Variants in RASGEF1C observed in about 807,000 individuals in gnomAD.
RASGEF1C encodes the protein RasGEF domain family member 1C.
In RASGEF1C, 27 loss-of-function variants were observed where a neutral mutation model predicts 58.1. The observed-to-expected ratio is 0.46, with a 90% CI of 0.34 to 0.64. The LOEUF (loss-of-function observed/expected upper bound fraction) is 0.64, where lower values mean the gene tolerates loss of function less well. Ranked by LOEUF, RASGEF1C falls within the 30% of genes least tolerant of loss-of-function variation. The pLI, the probability that RASGEF1C is intolerant of heterozygous loss-of-function variation, is 0.01. For missense variants in RASGEF1C, 502 were observed against 605.1 expected, an observed-to-expected ratio of 0.83 and a Z score of 1.79; for synonymous variants, 243 against 246.3, an observed-to-expected ratio of 0.99 and a Z score of 0.13.
Position 180,152,483 on chromosome 5 carries a change from T to A in RASGEF1C, c.-6-14425A>T, listed in dbSNP as rs1443674597. ...CAAGGACAAAAAGCCAAACACTGCA[T>A]GTTCTCACTCATAGGTGGGAATTGA... On this transcript the variant is annotated intron_variant, in intron 1 of 13. Coordinates refer to ENST00000361132, the MANE Select transcript of RASGEF1C (RefSeq NM_175062.4). Among the ~76,000 whole-genome samples, 8 of 146,804 alleles carry A rather than the reference T, an allele frequency of 5.4e-5. No homozygotes were observed. The Admixed American group carries it at 5.7e-4, about 11-fold the overall frequency.
intron 1 of RASGEF1C, among the ~76,000 whole-genome samples, chr5:180,190,413 C>T (rs1756135148): frequency 6.8e-6 from 1 of 146,422 alleles, no homozygotes; most frequent in African/African-American, 2.5e-5. Flanking sequence ...TGGCGTGAAC[C>T]TGGGAGGCGG....
At chr5:180,135,041 C>T (rs539398773) in intron 4 of RASGEF1C, among the ~76,000 whole-genome samples, 1 of 54,462 alleles carries the variant, frequency 1.8e-5, no homozygotes, top group East Asian at 6.4e-4. Flanking sequence ...TTTCCGCTGT[C>T]CCCACCCCCC....
At chr5:180,118,968 C>T in intron 8 of RASGEF1C, 102 bp from the exon 9 acceptor site, 2 of 1,084,000 alleles carry the variant, frequency 1.8e-6, no homozygotes, top group Non-Finnish European at 1.4e-6. Context: ...CTGAGGTCTG[C>T]AGGGCTCAGC....
chr5:180,101,518 T>C lies in RASGEF1C; in HGVS notation c.1384A>G (p.Ile462Val), dbSNP rs773357122. ...CAGCGCTTTCATGTCTTCCCCAAAA[T>C]AGAAGATCTGCAGATTTAAGCATGT... The part of the protein sequence containing the change: ...KERWKALRSS[I>V]LGKT The change falls in exon 14 of 14, where the codon ATT becomes GTT. Residue 462 changes from isoleucine to valine, a missense_variant. Physicochemically the swap from Ile to Val is conservative, Grantham distance 29 (BLOSUM62 3). Transcript: ENST00000361132. 8 of 1,612,234 alleles carry C rather than the reference T, an allele frequency of 5.0e-6. No individual in the cohort carries two copies. The African/African-American group carries it at 9.3e-5, about 19-fold the overall frequency.
intron 12 of RASGEF1C, among the ~76,000 whole-genome samples, chr5:180,105,116 T>C (rs1765854808): frequency 6.6e-6 from 1 of 152,238 alleles, no homozygotes; most frequent in Admixed American, 6.5e-5. Flanking sequence ...AGAATTTATT[T>C]TTCTTTCTTC....
At chr5:180,174,417 C>CGTGCATGTGCACACGTGTGTGTCT in intron 1 of RASGEF1C, among the ~76,000 whole-genome samples, 1 of 148,190 alleles carries the variant, frequency 6.7e-6, no homozygotes, top group African/African-American at 2.5e-5. Flanking sequence ...TGTGTGCGTG[C>CGTGCATGTGCACACGTGTGTGTCT]GTGCATGTGC....
chr5:180,138,823 A>G (rs957281488), intron 1 of RASGEF1C, among the ~76,000 whole-genome samples: 3 of 152,012 alleles, frequency 2.0e-5, no homozygotes. Context: ...ACTCTGAACC[A>G]CTGCACATGC....
At chr5:180,176,587 T>A (rs548882417) in intron 1 of RASGEF1C, among the ~76,000 whole-genome samples, 1 of 150,714 alleles carries the variant, frequency 6.6e-6, no homozygotes, top group East Asian at 2.0e-4. Flanking sequence ...GATGGAGTCT[T>A]GCTCTGTCGC....
chr5:180,132,688 A>C (rs1766391290), intron 4 of RASGEF1C, among the ~76,000 whole-genome samples: 1 of 152,186 alleles, frequency 6.6e-6, no homozygotes, highest in Non-Finnish European at 1.5e-5. Flanking sequence ...AAGCAAGACC[A>C]GGCCGGGCGC....
chr5:180,137,662 G>C lies in RASGEF1C; in HGVS notation c.228C>G (p.Pro76=). 6.2e-7 allele frequency: 1 copy of C among 1,612,878 alleles called. No individual in the cohort carries two copies. The highest frequency in any genetic ancestry group is 8.5e-7 in the Non-Finnish European group (1 of 1,180,004). ...GGCAGACCCGGGCCAGGAGCTCCCG[G>C]GGCTCGATGAAGAGGCGAGAGCTCA... ...FLLSSRLFIE[P]RELLARVCHL... The change falls in exon 3 of 14, where the codon CCC becomes CCG. Residue 76 remains proline (P), a synonymous_variant. Coordinates refer to ENST00000361132, the MANE Select transcript of RASGEF1C (RefSeq NM_175062.4). The surrounding 1 kb of genome is among the most constrained non-coding windows in gnomAD (Gnocchi z 4.1).
intron 6 of RASGEF1C, among the ~76,000 whole-genome samples, chr5:180,123,004 CT>C (rs1766200428): frequency 6.6e-6 from 1 of 152,076 alleles, no homozygotes; most frequent in African/African-American, 2.4e-5. Context: ...AAGAGATACA[CT>C]CCAAACACAA....
rs200482767 is a variant in RASGEF1C, at chr5:180,121,035, G to A, written c.804+25C>T. On this transcript the variant is annotated intron_variant, in intron 7 of 13. Coordinates refer to ENST00000361132, the MANE Select transcript of RASGEF1C (RefSeq NM_175062.4). ...CGGCCGCCTGGGGCTATGCCAGGTGGTGCCCACCCTGGCTGTCTACTCACC... is the reference window on the plus strand; with the variant it reads ...CGGCCGCCTGGGGCTATGCCAGGTGATGCCCACCCTGGCTGTCTACTCACC... 2.2e-3 allele frequency: 3,438 copies of A among 1,583,582 alleles called. 8 individuals carry two copies. Among genetic ancestry groups the A allele is most frequent in the Non-Finnish European group, 2.7e-3 (3,128 of 1,152,416 alleles).
chr5:180,194,386 G>A (rs2127563329), intron 1 of RASGEF1C, among the ~76,000 whole-genome samples: 1 of 152,320 alleles, frequency 6.6e-6, no homozygotes, highest in South Asian at 2.1e-4. Flanking sequence ...CAAGAACGGT[G>A]ACATGCAGAC....
At chr5:180,141,443 A>G (rs1581105011) in intron 1 of RASGEF1C, among the ~76,000 whole-genome samples, 1 of 152,232 alleles carries the variant, frequency 6.6e-6, no homozygotes, top group East Asian at 1.9e-4. Flanking sequence ...CGTCATGCTA[A>G]GTGAAATGAG....
intron 1 of RASGEF1C, among the ~76,000 whole-genome samples, chr5:180,146,623 T>A (rs1434047634): frequency 6.6e-6 from 1 of 152,206 alleles, no homozygotes; most frequent in East Asian, 1.9e-4. Flanking sequence ...TTACATTGAT[T>A]GATTTTCGTA....
At chr5:180,186,902 G>A (rs1384026894) in intron 1 of RASGEF1C, among the ~76,000 whole-genome samples, 1 of 152,106 alleles carries the variant, frequency 6.6e-6, no homozygotes, top group African/African-American at 2.4e-5. Context: ...AGCCAAGATC[G>A]TGCCACTGCA....
At chr5:180,203,992 C>CA (rs1423193433) in intron 1 of RASGEF1C, among the ~76,000 whole-genome samples, 1 of 67,438 alleles carries the variant, frequency 1.5e-5, no homozygotes, top group Non-Finnish European at 2.9e-5. Flanking sequence ...GACTCTGTCT[C>CA]AAAAAACAAA....
At chr5:180,207,634 G>GTCCGTCTGTCGCTTA (rs1756512358) in intron 1 of RASGEF1C, among the ~76,000 whole-genome samples, 1 of 151,670 alleles carries the variant, frequency 6.6e-6, no homozygotes, top group Non-Finnish European at 1.5e-5. Context: ...TCTCTCGCCT[G>GTCCGTCTGTCGCTTA]CCCTCCCTCT....
chr5:180,185,220 A>G (rs1463030786), intron 1 of RASGEF1C, among the ~76,000 whole-genome samples: 1 of 151,314 alleles, frequency 6.6e-6, no homozygotes, highest in African/African-American at 2.4e-5. Flanking sequence ...TGAACCCGGG[A>G]GGCAGAGCTT....
Sources: gnomAD v4.1 joint callset for allele counts (sites outside exome capture counted in the v4.1 genomes callset) on GRCh38, gnomAD v4.1.1 for gene constraint, Gnocchi (gnomAD v3.1) non-coding constraint, MANE v1.5 for transcripts, NCBI Gene and HGNC (gene_info 2026-07-23, HGNC 2026-07-21) for gene names.